Variants in KCNIP4 observed in about 807,000 individuals in gnomAD.
KCNIP4 encodes the protein potassium voltage-gated channel interacting protein 4, also known as Kv channel-interacting protein 4.
A neutral mutation model predicts 34.0 loss-of-function variants in KCNIP4; 12 were observed. That is an observed-to-expected ratio of 0.35 (90% confidence interval 0.23 to 0.57). The LOEUF (loss-of-function observed/expected upper bound fraction) is 0.57, where lower values mean the gene tolerates loss of function less well. Ranked by LOEUF, KCNIP4 falls within the 20% of genes least tolerant of loss-of-function variation. KCNIP4 has a pLI of 0.83. For synonymous variants in KCNIP4, 124 were observed against 102.2 expected, an observed-to-expected ratio of 1.21 and a Z score of -1.29; for missense variants, 238 against 311.7, an observed-to-expected ratio of 0.76 and a Z score of 1.78.
intron 1 of KCNIP4, among the ~76,000 whole-genome samples, chr4:21,820,279 G>A (rs912884037): frequency 2.4e-3 from 43 of 17,666 alleles, no homozygotes; most frequent in African/African-American, 6.5e-3. Context: ...ATGTATGTGT[G>A]TGTGTGTATA....
intron 1 of KCNIP4, among the ~76,000 whole-genome samples, chr4:20,926,769 T>G (rs1729938124): frequency 6.6e-6 from 1 of 152,224 alleles, no homozygotes; most frequent in Admixed American, 6.5e-5. Context: ...TGGACATTAC[T>G]GAATTTAGAA....
At chr4:21,336,377 G>A (rs1381595860) in intron 1 of KCNIP4, among the ~76,000 whole-genome samples, 1 of 151,810 alleles carries the variant, frequency 6.6e-6, no homozygotes, top group Non-Finnish European at 1.5e-5. Flanking sequence ...CATTACCTAG[G>A]AATGAAATTT....
At chr4:21,050,486 A>G (rs985424386) in intron 1 of KCNIP4, among the ~76,000 whole-genome samples, 3 of 152,236 alleles carry the variant, frequency 2.0e-5, no homozygotes, top group Non-Finnish European at 4.4e-5. Flanking sequence ...ATCAGTCTCC[A>G]TAGTTAAAGA....
intron 1 of KCNIP4, among the ~76,000 whole-genome samples, chr4:21,315,045 C>T (rs1033229331): frequency 5.3e-5 from 8 of 152,196 alleles, no homozygotes; most frequent in Non-Finnish European, 1.2e-4. Context: ...GACACAAATC[C>T]TAACTGGATA....
intron 1 of KCNIP4, among the ~76,000 whole-genome samples, chr4:21,389,914 C>A (rs1383424720): frequency 1.1e-4 from 17 of 151,732 alleles, no homozygotes; most frequent in Admixed American, 1.1e-3. Context: ...TTACAGTCCC[C>A]CCAACAGTGT....
intron 4 of KCNIP4, among the ~76,000 whole-genome samples, chr4:20,754,849 A>AT (rs1342161839): frequency 6.6e-6 from 1 of 152,202 alleles, no homozygotes; most frequent in Non-Finnish European, 1.5e-5. Context: ...AGTATGTAAT[A>AT]ACTTGATTTG....
chr4:21,717,732 CTA>C (rs934724459), intron 1 of KCNIP4, among the ~76,000 whole-genome samples: 4 of 152,130 alleles, frequency 2.6e-5, no homozygotes, highest in African/African-American at 7.2e-5. Flanking sequence ...TCTTTTCCTC[CTA>C]TGTTTTCTGT....
chr4:20,966,935 T>C lies in KCNIP4; in HGVS notation c.62-84226A>G, dbSNP rs1049882801. Among the ~76,000 whole-genome samples, 7 of 152,290 alleles carry C rather than the reference T, an allele frequency of 4.6e-5. 1 individual carries two copies. The South Asian group carries it at 1.5e-3, about 32-fold the overall frequency. On this transcript the variant is annotated intron_variant, in intron 1 of 8. Coordinates refer to ENST00000382152, the MANE Select transcript of KCNIP4 (RefSeq NM_025221.6). ...TGGTATTATGATGATTTTCATCTTA[T>C]GGGCAGGAGAACTGAGGTTCAGACA...
At chr4:21,370,043 G>A (rs1374470384) in intron 1 of KCNIP4, among the ~76,000 whole-genome samples, 1 of 147,132 alleles carries the variant, frequency 6.8e-6, no homozygotes, top group Non-Finnish European at 1.5e-5. Flanking sequence ...TAGCCAGGAT[G>A]GTCTCGACCT....
intron 1 of KCNIP4, among the ~76,000 whole-genome samples, chr4:21,121,836 T>C (rs1230485991): frequency 1.3e-5 from 2 of 152,214 alleles, no homozygotes; most frequent in African/African-American, 2.4e-5. Flanking sequence ...AAAAGCCTGA[T>C]TGTAAGTCCA....
At chr4:20,874,862 T>C (rs1390074707) in intron 2 of KCNIP4, among the ~76,000 whole-genome samples, 1 of 152,174 alleles carries the variant, frequency 6.6e-6, no homozygotes, top group Non-Finnish European at 1.5e-5. Context: ...ATCTGAACGA[T>C]AGGGCCAATT....
intron 1 of KCNIP4, among the ~76,000 whole-genome samples, chr4:21,202,357 C>T (rs1756556567): frequency 6.6e-6 from 1 of 152,120 alleles, no homozygotes; most frequent in African/African-American, 2.4e-5. Flanking sequence ...GTGTTCTCAC[C>T]TATTAGTGGA....
intron 1 of KCNIP4, among the ~76,000 whole-genome samples, chr4:21,246,131 T>A (rs1760184400): frequency 6.6e-6 from 1 of 152,178 alleles, no homozygotes; most frequent in African/African-American, 2.4e-5. Context: ...AGTCTACAGA[T>A]GGGTCACAGT....
intron 1 of KCNIP4, among the ~76,000 whole-genome samples, chr4:21,230,328 G>A (rs892546441): frequency 2.6e-5 from 4 of 151,894 alleles, no homozygotes; most frequent in Non-Finnish European, 5.9e-5. Flanking sequence ...CAGAACTATG[G>A]GAGGATAATT....
At chr4:21,317,948 TA>T (rs1337846840) in intron 1 of KCNIP4, among the ~76,000 whole-genome samples, 1 of 152,218 alleles carries the variant, frequency 6.6e-6, no homozygotes, top group Non-Finnish European at 1.5e-5. Flanking sequence ...GTAAGTCCAA[TA>T]AACCTCTTTA....
intron 1 of KCNIP4, among the ~76,000 whole-genome samples, chr4:21,392,541 G>A (rs886406721): frequency 6.6e-6 from 1 of 152,198 alleles, no homozygotes; most frequent in East Asian, 1.9e-4. Flanking sequence ...AAGCAACAGT[G>A]GGATTTACGA....
At chr4:21,742,073 A>T (rs892326583) in intron 1 of KCNIP4, among the ~76,000 whole-genome samples, 1 of 152,066 alleles carries the variant, frequency 6.6e-6, no homozygotes, top group African/African-American at 2.4e-5. Context: ...CAAACAAAAA[A>T]TACTAGAAAA....
chr4:21,402,442 G>C (rs1159519502), intron 1 of KCNIP4, among the ~76,000 whole-genome samples: 1 of 152,168 alleles, frequency 6.6e-6, no homozygotes, highest in Non-Finnish European at 1.5e-5. Flanking sequence ...CTGGACTTCT[G>C]TTCATAGAGA....
intron 1 of KCNIP4, among the ~76,000 whole-genome samples, chr4:21,485,279 T>A (rs898569212): frequency 6.6e-6 from 1 of 152,164 alleles, no homozygotes; most frequent in Non-Finnish European, 1.5e-5. Flanking sequence ...ATGCTAACAC[T>A]TCTCCAATTA....
Sources: gnomAD v4.1 joint callset for allele counts (sites outside exome capture counted in the v4.1 genomes callset) on GRCh38, gnomAD v4.1.1 for gene constraint, MANE v1.5 for transcripts, NCBI Gene and HGNC (gene_info 2026-07-23, HGNC 2026-07-21) for gene names.